LAPTM4B: variants seen among roughly 807,000 people sequenced by gnomAD.
LAPTM4B encodes the protein lysosomal protein transmembrane 4 beta.
Under a neutral mutation model 28.5 loss-of-function variants are expected in LAPTM4B, and 26 were observed. The ratio of observed to expected loss-of-function variants is 0.91; its 90% CI spans 0.67 to 1.27. LAPTM4B has a LOEUF of 1.27. LAPTM4B is among the 50% of genes most tolerant of loss of function. The pLI is 0.00. For synonymous variants in LAPTM4B, 109 were observed against 106.4 expected (o/e 1.02, Z -0.15); for missense variants, 288 against 285.8 (o/e 1.01, Z -0.06).
At chr8:97,793,791 A>G (rs1816541440) in intron 1 of LAPTM4B, among the ~76,000 whole-genome samples, 2 of 152,170 alleles carry the variant, frequency 1.3e-5, no homozygotes, top group South Asian at 4.1e-4. Flanking sequence ...GGCTGCTGGC[A>G]AGTATTCTTG....
chr8:97,810,113 G>C (rs747979709), intron 2 of LAPTM4B, among the ~76,000 whole-genome samples: 1 of 151,856 alleles, frequency 6.6e-6, no homozygotes, highest in Non-Finnish European at 1.5e-5. Context: ...GTAGAGATGG[G>C]GTTTTGTCAT....
At chr8:97,786,062 C>G (rs1056212009) in intron 1 of LAPTM4B, among the ~76,000 whole-genome samples, 3 of 152,218 alleles carry the variant, frequency 2.0e-5, no homozygotes, top group African/African-American at 7.2e-5. Context: ...GCCCCACCAC[C>G]TTTTGGGCTG....
At chr8:97,823,651 A>G (rs535793434) in intron 5 of LAPTM4B, among the ~76,000 whole-genome samples, 1 of 150,416 alleles carries the variant, frequency 6.6e-6, no homozygotes, top group East Asian at 2.0e-4. Flanking sequence ...CTGGGATTAC[A>G]GGTGTGAGCC....
intron 6 of LAPTM4B, among the ~76,000 whole-genome samples, chr8:97,837,853 A>G (rs1252228338): frequency 6.6e-6 from 1 of 152,302 alleles, no homozygotes; most frequent in East Asian, 1.9e-4. Context: ...CTTCTTGCCT[A>G]CTAAGTTTAG....
At chr8:97,845,589 C>T (rs1422903520) in intron 6 of LAPTM4B, among the ~76,000 whole-genome samples, 1 of 152,004 alleles carries the variant, frequency 6.6e-6, no homozygotes, top group South Asian at 2.1e-4. Context: ...GGACCTTGAA[C>T]AGACTTATGG....
At chr8:97,813,668 A>G (rs1383825019) in intron 2 of LAPTM4B, among the ~76,000 whole-genome samples, 3 of 152,036 alleles carry the variant, frequency 2.0e-5, no homozygotes, top group African/African-American at 7.2e-5. Context: ...TCCTCCTTTC[A>G]TGCTCTTAAC....
chr8:97,793,619 A>G (rs756666768), intron 1 of LAPTM4B, among the ~76,000 whole-genome samples: 1 of 152,222 alleles, frequency 6.6e-6, no homozygotes, highest in Non-Finnish European at 1.5e-5. Flanking sequence ...AGCGATAGAG[A>G]ATTAGTATAT....
At chr8:97,822,849 TA>T (rs1439717677) in intron 5 of LAPTM4B, among the ~76,000 whole-genome samples, 2 of 152,056 alleles carry the variant, frequency 1.3e-5, no homozygotes, top group South Asian at 2.1e-4. Context: ...TTTTTTTATT[TA>T]TTTTTTTTGA....
chr8:97,842,403 A>G (rs1308626099), intron 6 of LAPTM4B, among the ~76,000 whole-genome samples: 2 of 152,200 alleles, frequency 1.3e-5, no homozygotes, highest in African/African-American at 4.8e-5. Flanking sequence ...GCTATCTGAA[A>G]CATTCCAGAT....
At chr8:97,786,709 A>G (rs1816408847) in intron 1 of LAPTM4B, among the ~76,000 whole-genome samples, 1 of 150,890 alleles carries the variant, frequency 6.6e-6, no homozygotes. Flanking sequence ...CAGAAAAAAA[A>G]AAAAAAAACC....
intron 2 of LAPTM4B, among the ~76,000 whole-genome samples, chr8:97,810,136 G>A (rs948262236): frequency 1.3e-5 from 2 of 151,974 alleles, no homozygotes; most frequent in East Asian, 3.9e-4. Flanking sequence ...TGCCCAGGCT[G>A]GTCTCAAACT....
intron 6 of LAPTM4B, among the ~76,000 whole-genome samples, chr8:97,829,844 G>A (rs952582118): frequency 6.6e-6 from 1 of 151,936 alleles, no homozygotes; most frequent in Non-Finnish European, 1.5e-5. Context: ...TTATAGGCAC[G>A]CACCACCATT....
chr8:97,778,018 C>A (rs564941517), intron 1 of LAPTM4B, among the ~76,000 whole-genome samples: 1 of 152,278 alleles, frequency 6.6e-6, no homozygotes, highest in African/African-American at 2.4e-5. Flanking sequence ...CCTACTTGAG[C>A]CCTGTTGGCT....
At chr8:97,802,972 G>A (rs1049113858) in intron 1 of LAPTM4B, among the ~76,000 whole-genome samples, 1 of 151,926 alleles carries the variant, frequency 6.6e-6, no homozygotes, top group Non-Finnish European at 1.5e-5. Context: ...AGGCCGAGGC[G>A]GGTGGATCAC....
At chr8:97,779,694 A>G (rs1816279769) in intron 1 of LAPTM4B, among the ~76,000 whole-genome samples, 1 of 150,882 alleles carries the variant, frequency 6.6e-6, no homozygotes, top group Admixed American at 6.6e-5. Flanking sequence ...CTGAGGCATG[A>G]GAATTGCTTG....
chr8:97,836,072 G>C lies in LAPTM4B; in HGVS notation c.603+10919G>C, dbSNP rs7005003. Among the ~76,000 whole-genome samples, 1,412 of 152,150 alleles carry C rather than the reference G, an allele frequency of 9.3e-3. 25 individuals are homozygous for C. The highest frequency in any genetic ancestry group is 0.032 in the African/African-American group (1,332 of 41,476). On this transcript the variant is annotated intron_variant, in intron 6 of 6. Coordinates refer to ENST00000521545, the MANE Select transcript of LAPTM4B (RefSeq NM_018407.6). The stretch of plus-strand genomic sequence containing the variant: ...TTCATCCCGAAACCATCATCACACA[G>C]CCCCCTCACCCCCTCATCAACCCCT...
rs34322160 is a variant in LAPTM4B at position 97,782,279 on chromosome 8, C to CTTTTTT, written c.99+6193_99+6198dup. On this transcript the variant is annotated intron_variant, in intron 1 of 6. Coordinates refer to ENST00000521545, the MANE Select transcript of LAPTM4B (RefSeq NM_018407.6). ...TACAGGCCTGAGCCACCATGCCCAG[C>CTTTTTT]TTTTTTTTTTTTTTTTTTTTTTTTT... Among the ~76,000 whole-genome samples, 37 of 50,254 alleles carry CTTTTTT rather than the reference C, an allele frequency of 7.4e-4. 4 individuals carry two copies. In the East Asian group the frequency reaches 8.2e-3, roughly 11 times the overall value. The allele number at this position is 50,254 out of a possible 152,430, so 33.0% of individuals were successfully genotyped here. A position where few individuals can be genotyped will look rare whatever the true frequency, so the allele number is the denominator to read the frequency against.
intron 1 of LAPTM4B, among the ~76,000 whole-genome samples, chr8:97,781,981 CTTTTTT>C (rs140423500): frequency 0.13 from 18,111 of 140,318 alleles, 1,296 homozygotes; most frequent in Middle Eastern, 0.27. Context: ...ACTTTGGGGA[CTTTTTT>C]TTTTTTTTTT....
intron 1 of LAPTM4B, among the ~76,000 whole-genome samples, chr8:97,787,354 C>T (rs1286026924): frequency 1.3e-5 from 2 of 149,968 alleles, no homozygotes; most frequent in Admixed American, 6.7e-5. Context: ...GGTGCAATCT[C>T]GGCTCACTGC....
Sources: gnomAD v4.1 joint callset for allele counts (sites outside exome capture counted in the v4.1 genomes callset) on GRCh38, gnomAD v4.1.1 for gene constraint, MANE v1.5 for transcripts, NCBI Gene and HGNC (gene_info 2026-07-23, HGNC 2026-07-21) for gene names.